Variants in TENM1 observed in about 807,000 individuals in gnomAD.
The protein encoded by TENM1 is teneurin-1.
TENM1 carries 35 observed loss-of-function variants against 174.8 expected under a neutral mutation model. The ratio of observed to expected loss-of-function variants is 0.20; its 90% confidence interval spans 0.15 to 0.27. The LOEUF (loss-of-function observed/expected upper bound fraction) is 0.27, where lower values mean the gene tolerates loss of function less well. Among genes scored for constraint, TENM1 ranks in the 10% least tolerant of loss-of-function variants. TENM1 has a pLI of 1.00. For synonymous variants in TENM1, 781 were observed against 798.7 expected (o/e 0.98, Z 0.37); for missense variants, 1,633 against 2,130.1 (o/e 0.77, Z 4.59).
the TENM1 span, among the ~76,000 whole-genome samples, chrX:125,004,498 C>T: frequency 1.8e-5 from 2 of 112,102 alleles, no homozygotes; most frequent in South Asian, 3.7e-4. Context: ...AATAATCATG[C>T]TTCTTTGCAA....
chrX:124,656,236 A>G (rs955484913), intron 6 of TENM1, among the ~76,000 whole-genome samples: 1 of 112,293 alleles, frequency 8.9e-6, no homozygotes, highest in African/African-American at 3.2e-5. Flanking sequence ...AACCTTACCA[A>G]ATACTACACC....
chrX:125,034,301 T>C, the TENM1 span, among the ~76,000 whole-genome samples: 1 of 112,032 alleles, frequency 8.9e-6, no homozygotes, highest in African/African-American at 3.2e-5. Flanking sequence ...CTTAATTAAC[T>C]ATATACCAGA....
At chrX:125,200,200 C>A in the TENM1 span, among the ~76,000 whole-genome samples, 1 of 111,348 alleles carries the variant, frequency 9.0e-6, no homozygotes, top group Non-Finnish European at 1.9e-5. Flanking sequence ...TATATTAAGC[C>A]AGGATTCAGA....
At chrX:124,532,189 C>T (rs763656505) in intron 15 of TENM1, among the ~76,000 whole-genome samples, 4 of 111,988 alleles carry the variant, frequency 3.6e-5, no homozygotes, top group Non-Finnish European at 5.6e-5. Context: ...ATTCCCTATT[C>T]GCAAGACAAT....
the TENM1 span, among the ~76,000 whole-genome samples, chrX:125,192,878 G>T: frequency 9.0e-6 from 1 of 111,581 alleles, no homozygotes; most frequent in African/African-American, 3.3e-5. Context: ...CACTATGTTG[G>T]ACAAAAGATC....
the TENM1 span, among the ~76,000 whole-genome samples, chrX:125,056,532 T>C: frequency 9.0e-6 from 1 of 111,366 alleles, no homozygotes; most frequent in African/African-American, 3.3e-5. Context: ...CTCTTCCTCA[T>C]TTCTAAGATT....
intron 21 of TENM1, among the ~76,000 whole-genome samples, chrX:124,484,775 C>T (rs998149380): frequency 9.0e-6 from 1 of 111,035 alleles, no homozygotes; most frequent in Non-Finnish European, 1.9e-5. Flanking sequence ...TCCAAAGACT[C>T]CCCTGGTTCC....
chrX:124,856,445 T>C (rs1256221354), intron 3 of TENM1, among the ~76,000 whole-genome samples: 3 of 111,534 alleles, frequency 2.7e-5, no homozygotes, highest in Non-Finnish European at 3.8e-5. Flanking sequence ...TATATTTAAG[T>C]GGTACATTTT....
intron 1 of TENM1, among the ~76,000 whole-genome samples, chrX:124,961,528 C>T (rs1179146370): frequency 1.8e-5 from 2 of 111,109 alleles, no homozygotes; most frequent in Non-Finnish European, 3.8e-5. Flanking sequence ...CCTGAAATCC[C>T]AGCTACTCGG....
At chrX:124,645,415 C>A (rs2051132808) in intron 9 of TENM1, 78 bp from the exon 13 acceptor site, 2 of 986,852 alleles carry the variant, frequency 2.0e-6, no homozygotes, top group Non-Finnish European at 2.8e-6. Context: ...TATTGATTTT[C>A]GTATTTCAGG....
At chrX:124,521,044 G>T (rs1440459233) in intron 17 of TENM1, among the ~76,000 whole-genome samples, 8 of 111,679 alleles carry the variant, frequency 7.2e-5, no homozygotes, top group Non-Finnish European at 1.5e-4. Context: ...GAAAGATTGT[G>T]TAAGGAACAA....
At chrX:124,541,097 C>T (rs892223496) in intron 15 of TENM1, among the ~76,000 whole-genome samples, 2 of 112,107 alleles carry the variant, frequency 1.8e-5, no homozygotes, top group Non-Finnish European at 3.8e-5. Context: ...TGTTTCTCTG[C>T]TATTTGGAGA....
At chrX:124,586,438 A>G in intron 11 of TENM1, among the ~76,000 whole-genome samples, 1 of 110,057 alleles carries the variant, frequency 9.1e-6, no homozygotes, top group Middle Eastern at 4.6e-3. Context: ...GACAAAAACC[A>G]CATGATTATC....
the TENM1 span, among the ~76,000 whole-genome samples, chrX:125,203,395 T>C: frequency 8.9e-6 from 1 of 112,216 alleles, no homozygotes; most frequent in African/African-American, 3.2e-5. Context: ...CCAGGTCCAC[T>C]TGTTAGAGTG....
chrX:124,628,029 A>C (rs1446873914), intron 11 of TENM1, among the ~76,000 whole-genome samples: 2 of 111,368 alleles, frequency 1.8e-5, no homozygotes, highest in African/African-American at 6.5e-5. Flanking sequence ...TGTCTTAGGA[A>C]ATATAAATAT....
At chrX:125,159,919 G>T in the TENM1 span, among the ~76,000 whole-genome samples, 4 of 111,746 alleles carry the variant, frequency 3.6e-5, no homozygotes, top group Non-Finnish European at 7.5e-5. Flanking sequence ...GAAATTGGAG[G>T]CAGGGCATGG....
At position 124,732,984 on chromosome X, in the gene TENM1, T is replaced by C. The variant is rs765926701; in HGVS notation, c.776+3973A>G. On this transcript the variant is annotated intron_variant, in intron 4 of 31. Coordinates refer to ENST00000422452, the Ensembl canonical transcript of TENM1. ...TCTCAATTACTCGAGGCAACCTGAATGTCTCTGGCTTCTTGCAACCAGAGA... is the reference window on the plus strand; with the variant it reads ...TCTCAATTACTCGAGGCAACCTGAACGTCTCTGGCTTCTTGCAACCAGAGA... Among the ~76,000 whole-genome samples the C allele has an allele frequency of 6.3e-5, 7 of 111,939 alleles. No homozygotes were observed. The East Asian group carries it at 1.7e-3, about 27-fold the overall frequency.
Position 124,921,782 on chromosome X carries a change from G to A in TENM1, c.218-25541C>T, listed in dbSNP as rs749250707. Among the ~76,000 whole-genome samples the A allele has an allele frequency of 4.5e-5, 5 of 111,651 alleles. No individual in the cohort carries two copies. The South Asian group carries it at 1.9e-3, about 42-fold the overall frequency. The stretch of plus-strand genomic sequence containing the variant: ...TCCATATGGTAGCCACTAGCCACAT[G>A]TGACTATTGTACACTTGAAATGTGG... On this transcript the variant is annotated intron_variant, in intron 1 of 31. Coordinates refer to ENST00000422452, the Ensembl canonical transcript of TENM1.
intron 11 of TENM1, among the ~76,000 whole-genome samples, chrX:124,602,376 C>G (rs758762097): frequency 9.9e-5 from 11 of 111,034 alleles, no homozygotes; most frequent in African/African-American, 3.6e-4. Context: ...TTGAAAAAAA[C>G]CCTTGACCAA....
Sources: allele counts gnomAD v4.1 joint callset (sites outside exome capture counted in the v4.1 genomes callset), GRCh38; gene constraint gnomAD v4.1.1; transcripts MANE v1.5; gene names NCBI Gene and HGNC (gene_info 2026-07-23, HGNC 2026-07-21).